NPRL3: variants seen among roughly 807,000 people sequenced by gnomAD.
NPRL3 encodes NPR3 like, GATOR1 complex subunit.
In NPRL3, 23 loss-of-function variants were observed where a neutral mutation model predicts 57.2. That is an observed-to-expected ratio of 0.40 (90% CI 0.29 to 0.57). The LOEUF (loss-of-function observed/expected upper bound fraction) is 0.57. NPRL3 is among the 20% of genes least tolerant of loss of function. The probability of loss-of-function intolerance (pLI) is 0.42; values close to 1 mark genes in which losing one functional copy is unlikely to be tolerated. For missense variants in NPRL3, 691 were observed against 767.1 expected (o/e 0.90, Z 1.17); for synonymous variants, 333 against 321.1 (o/e 1.04, Z -0.39).
At chr16:103,240 C>T (rs1471756086) in intron 7 of NPRL3, among the ~76,000 whole-genome samples, 1 of 146,846 alleles carries the variant, frequency 6.8e-6, no homozygotes, top group Non-Finnish European at 1.5e-5. Flanking sequence ...CTCCCAGGCT[C>T]AAGACAACCT....
At chr16:104,311 C>T (rs545585457) in intron 7 of NPRL3, among the ~76,000 whole-genome samples, 18 of 151,720 alleles carry the variant, frequency 1.2e-4, no homozygotes, top group African/African-American at 3.4e-4. Flanking sequence ...TTGAAATTAA[C>T]GTTTAAAAAA....
At chr16:121,548 C>A (rs1347163660) in intron 3 of NPRL3, among the ~76,000 whole-genome samples, 2 of 151,080 alleles carry the variant, frequency 1.3e-5, no homozygotes, top group African/African-American at 4.9e-5. Context: ...TGAACCTGGG[C>A]GGCAGAGGTT....
chr16:118,963 A>G (rs1900165256), intron 4 of NPRL3, among the ~76,000 whole-genome samples, 163 bp downstream of exon 4: 1 of 143,452 alleles, frequency 7.0e-6, no homozygotes, highest in African/African-American at 2.6e-5. Flanking sequence ...GGGGAAGCCA[A>G]ATCTACCCAG....
chr16:87,500 G>A, intron 13 of NPRL3, among the ~76,000 whole-genome samples: 1 of 150,254 alleles, frequency 6.7e-6, no homozygotes, highest in Non-Finnish European at 1.5e-5. Flanking sequence ...GCCTCCCAAA[G>A]TGCTGAGATT....
At chr16:92,878 G>T in intron 10 of NPRL3, 153 bp from the exon 11 acceptor site, 2 of 929,754 alleles carry the variant, frequency 2.2e-6, no homozygotes, top group Non-Finnish European at 3.2e-6. Context: ...AGGCCTCCAG[G>T]TGGACAGAGC....
chr16:138,134 C>G lies in NPRL3; in HGVS notation c.118+16G>C, dbSNP rs1336204950. 6.3e-7 allele frequency: 1 copy of G among 1,576,420 alleles called. No homozygotes were observed. The highest frequency in any genetic ancestry group is 2.3e-5 in the East Asian group (1 of 42,708). On this transcript the variant is annotated intron_variant, in intron 2 of 13. Coordinates refer to ENST00000611875, the MANE Select transcript of NPRL3 (RefSeq NM_001077350.3). ...GGCCCCCGCGAGCGCCAGGCCCCCG[C>G]CCAGCGCTCACTTACTTGTCTGGGA...
intron 3 of NPRL3, among the ~76,000 whole-genome samples, chr16:123,888 A>G (rs1900391425): frequency 9.2e-6 from 1 of 109,138 alleles, no homozygotes. Flanking sequence ...ACGCTGAGAA[A>G]CAGGGTCACA....
intron 13 of NPRL3, 108 bp downstream of exon 13, chr16:88,590 C>T (rs1898605713): frequency 1.0e-6 from 1 of 987,766 alleles, no homozygotes; most frequent in East Asian, 2.6e-5. Flanking sequence ...TCGAACAGGG[C>T]CCCATCTGTT....
intron 7 of NPRL3, among the ~76,000 whole-genome samples, chr16:109,124 A>G (rs1380472588): frequency 1.3e-5 from 2 of 151,556 alleles, no homozygotes; most frequent in African/African-American, 4.9e-5. Context: ...GTGCCACCAC[A>G]CTCAGATATT....
In NPRL3 at chr16:85,769, C is replaced by T. The variant is rs777574631; in HGVS notation, c.*936G>A. 1.3e-6 allele frequency: 2 copies of T among 1,498,154 alleles called. No individual in the cohort carries two copies. Among genetic ancestry groups the T allele is most frequent in the Non-Finnish European group, 8.9e-7 (1 of 1,122,760 alleles). The allele number at this position is 1,498,154 out of a possible 1,614,324, so 92.8% of individuals were successfully genotyped here. On this transcript the variant is annotated 3_prime_UTR_variant, in exon 14 of 14. Coordinates refer to ENST00000611875, the MANE Select transcript of NPRL3 (RefSeq NM_001077350.3). ...CGACAGAGTGGCTGAGCAGGACACA[C>T]AGGCCTGAGCAAAGGGCCTGCCCAG... is the stretch of plus-strand genomic sequence containing the variant.
intron 2 of NPRL3, among the ~76,000 whole-genome samples, chr16:131,817 C>A (rs79377806): frequency 1.3e-5 from 2 of 151,988 alleles, no homozygotes; most frequent in Non-Finnish European, 2.9e-5. Context: ...ATTTCTCTGT[C>A]GTACGGGACG....
chr16:89,640 C>T, intron 12 of NPRL3, 73 bp downstream of exon 12: 1 of 1,367,302 alleles, frequency 7.3e-7, no homozygotes. Flanking sequence ...ACAGCACCAC[C>T]CACGTTGAGC....
At chr16:96,487 G>C (rs1899010669) in intron 9 of NPRL3, among the ~76,000 whole-genome samples, 1 of 151,880 alleles carries the variant, frequency 6.6e-6, no homozygotes, top group African/African-American at 2.4e-5. Context: ...GCAGGACATG[G>C]TGTTTACTGA....
chr16:129,555 G>A (rs1194499760), intron 3 of NPRL3, among the ~76,000 whole-genome samples: 1 of 152,152 alleles, frequency 6.6e-6, no homozygotes, highest in Admixed American at 6.5e-5. Flanking sequence ...GGTGGCTTAT[G>A]TACGTAATCC....
At chr16:125,673 A>C (rs868170445) in intron 3 of NPRL3, 1 of 152,264 alleles carries the variant, frequency 6.6e-6, no homozygotes, top group Non-Finnish European at 1.5e-5. Flanking sequence ...GCGAGAGTCA[A>C]ACTTGGAACC....
intron 11 of NPRL3, chr16:90,224 A>C (rs1596497065): frequency 1.8e-5 from 6 of 328,314 alleles, no homozygotes; most frequent in Non-Finnish European, 2.8e-5. Flanking sequence ...CGCTGAGCAA[A>C]CCCCCCACCC....
intron 5 of NPRL3, among the ~76,000 whole-genome samples, chr16:114,596 CAG>C (rs1899950925): frequency 6.6e-6 from 1 of 152,124 alleles, no homozygotes; most frequent in Non-Finnish European, 1.5e-5. Flanking sequence ...TCTGGATTGG[CAG>C]AGACATAAAG....
rs186335445 is a variant in NPRL3 at position 116,796 on chromosome 16, C to A, written c.393+505G>T. On this transcript the variant is annotated intron_variant, in intron 5 of 13. Transcript: ENST00000611875. ...TGGCCAACATGGCGAGACCCCCCCC[C>A]CCCACCGATCTCTACTAAAAATACA... 3.0e-4 allele frequency among the ~76,000 whole-genome samples: 44 copies of A among 144,684 alleles called. 4 individuals are homozygous for A. The highest frequency in any genetic ancestry group is 5.3e-4 in the Non-Finnish European group (35 of 65,488). 94.9% of individuals were successfully genotyped at this position (144,684 alleles called of 152,430 possible). A position where few individuals can be genotyped will look rare whatever the true frequency, so the allele number is the denominator to read the frequency against.
At chr16:129,345 TCCA>T (rs1260272115) in intron 3 of NPRL3, among the ~76,000 whole-genome samples, 1 of 152,102 alleles carries the variant, frequency 6.6e-6, no homozygotes, top group Non-Finnish European at 1.5e-5. Context: ...CAGAGTTTGT[TCCA>T]CCACCACATT....
Sources: allele counts gnomAD v4.1 joint callset (sites outside exome capture counted in the v4.1 genomes callset), GRCh38; gene constraint gnomAD v4.1.1; transcripts MANE v1.5; gene names NCBI Gene and HGNC (gene_info 2026-07-23, HGNC 2026-07-21).